Variants in TRPC5 observed in about 807,000 individuals in gnomAD.
TRPC5 encodes the protein short transient receptor potential channel 5.
TRPC5 carries 9 observed loss-of-function variants against 56.5 expected under a neutral mutation model. The ratio of observed to expected loss-of-function variants is 0.16; its 90% CI spans 0.10 to 0.28. The LOEUF is 0.28. Ranked by LOEUF, TRPC5 falls within the 10% of genes least tolerant of loss-of-function variation. The pLI is 1.00. For synonymous variants in TRPC5, 282 were observed against 278.5 expected (o/e 1.01, Z -0.13); for missense variants, 469 against 748.9 (o/e 0.63, Z 4.36).
At chrX:111,778,944 TATG>T in intron 10 of TRPC5, 38 bp downstream of exon 10, 1 of 970,124 alleles carries the variant, frequency 1.0e-6, no homozygotes, top group Non-Finnish European at 1.4e-6. Context: ...AAATGATGCT[TATG>T]ATATGTAAAA....
At chrX:111,869,150 A>ATT (rs200465770) in intron 3 of TRPC5, among the ~76,000 whole-genome samples, 3 of 98,504 alleles carry the variant, frequency 3.0e-5, no homozygotes, top group African/African-American at 3.7e-5. Context: ...GCAGTGCAGC[A>ATT]TTTTTTTTTT....
At chrX:112,019,527 G>A (rs189363904) in intron 1 of TRPC5, among the ~76,000 whole-genome samples, 3,255 of 109,058 alleles carry the variant, frequency 0.03, 60 homozygotes, top group Middle Eastern at 0.047. Context: ...GCTCCGCCTC[G>A]CGGGTTCACG....
At chrX:112,008,463 G>A (rs781614174) in intron 1 of TRPC5, among the ~76,000 whole-genome samples, 26 of 110,218 alleles carry the variant, frequency 2.4e-4, no homozygotes, top group Middle Eastern at 4.6e-3. Context: ...AGCCAGGTGC[G>A]GTGGTGGGTG....
intron 1 of TRPC5, among the ~76,000 whole-genome samples, chrX:112,013,325 A>G (rs1929039846): frequency 9.0e-6 from 1 of 111,052 alleles, no homozygotes; most frequent in African/African-American, 3.3e-5. Context: ...TAATTTTTGT[A>G]TTTTTAGTAG....
At chrX:111,813,760 G>A (rs1921780521) in intron 7 of TRPC5, among the ~76,000 whole-genome samples, 1 of 112,425 alleles carries the variant, frequency 8.9e-6, no homozygotes, top group African/African-American at 3.2e-5. Context: ...ATTTTGGGCA[G>A]GGGGACATAT....
At chrX:111,832,440 A>C (rs1922436090) in intron 7 of TRPC5, among the ~76,000 whole-genome samples, 2 of 112,360 alleles carry the variant, frequency 1.8e-5, no homozygotes, top group African/African-American at 6.5e-5. Flanking sequence ...ATTTGTCTTC[A>C]GTGGTTTCCC....
intron 1 of TRPC5, among the ~76,000 whole-genome samples, chrX:111,961,454 T>C (rs1405234310): frequency 8.9e-6 from 1 of 111,774 alleles, no homozygotes; most frequent in Non-Finnish European, 1.9e-5. Context: ...CCAATTTCTC[T>C]TGTGGGGAAG....
At chrX:112,020,391 G>A (rs1304610425) in intron 1 of TRPC5, among the ~76,000 whole-genome samples, 10 of 111,899 alleles carry the variant, frequency 8.9e-5, no homozygotes, top group Admixed American at 8.6e-4. Context: ...CTTTGAAGGC[G>A]AGTAATCATA....
At position 111,854,053 on chromosome X, in the gene TRPC5, G is replaced by A. The variant is rs1269079632; in HGVS notation, c.954C>T (p.Gly318=). 2 of 1,211,422 alleles carry A rather than the reference G, an allele frequency of 1.7e-6. No homozygotes were observed. Among genetic ancestry groups the A allele is most frequent in the Admixed American group, 2.2e-5 (1 of 45,998 alleles). Residue 318 remains glycine, a synonymous_variant, in exon 4 of 11, where the codon GGC becomes GGT. Transcript: ENST00000262839. ...QQLLATLWYD[G]FPGWRRKHWV... The stretch of plus-strand genomic sequence containing the variant: ...AGTGTTTCCGCCGCCATCCAGGGAA[G>A]CCATCATACCACAGGGTGGCAAGCA...
intron 1 of TRPC5, among the ~76,000 whole-genome samples, chrX:111,958,490 T>A (rs1927292909): frequency 8.9e-6 from 1 of 112,186 alleles, no homozygotes; most frequent in Non-Finnish European, 1.9e-5. Flanking sequence ...TAAATATGTA[T>A]TGAATTATTC....
chrX:111,879,141 G>A (rs749756574), intron 3 of TRPC5, among the ~76,000 whole-genome samples: 2 of 112,255 alleles, frequency 1.8e-5, no homozygotes, highest in East Asian at 2.8e-4. Context: ...TCTTTTCAAA[G>A]CATCTTTCAA....
At chrX:111,797,839 A>AT (rs1921155375) in intron 7 of TRPC5, among the ~76,000 whole-genome samples, 1 of 111,711 alleles carries the variant, frequency 9.0e-6, no homozygotes, top group Non-Finnish European at 1.9e-5. Context: ...TTATTGAGAT[A>AT]TATTATATAC....
Position 111,834,995 on chromosome X carries a change from A to G in TRPC5, c.1822T>C (p.Tyr608His). 1 of 1,211,393 alleles carries G rather than the reference A, an allele frequency of 8.3e-7. No homozygotes were observed. Among genetic ancestry groups the G allele is most frequent in the Non-Finnish European group, 1.1e-6 (1 of 895,050 alleles). ...EFVGATMFGT[Y>H]NVISLVVLLN... ...AGCACTACCAGGGAGATGACATTGT[A>G]TGTTCCAAACATGGTAGCTCCTACA... The change falls in exon 7 of 11, where the codon TAC becomes CAC. Residue 608 changes from tyrosine to histidine, a missense_variant. Tyr to His is a moderately conservative substitution (Grantham distance 83). This residue lies in a region of TRPC5 where 157 missense variants were observed against 360.0 expected (regional missense o/e 0.44). Transcript: ENST00000262839.
intron 1 of TRPC5, among the ~76,000 whole-genome samples, chrX:112,040,521 TG>T (rs1211032185): frequency 1.8e-5 from 2 of 111,853 alleles, no homozygotes; most frequent in African/African-American, 6.5e-5. Flanking sequence ...AGCTGGAATA[TG>T]ACCATTTCCT....
intron 7 of TRPC5, among the ~76,000 whole-genome samples, chrX:111,803,050 G>A (rs1452193614): frequency 9.1e-6 from 1 of 110,234 alleles, no homozygotes; most frequent in Non-Finnish European, 1.9e-5. Flanking sequence ...AGTGTGTGAT[G>A]TTCCACACCC....
intron 7 of TRPC5, among the ~76,000 whole-genome samples, chrX:111,802,484 T>C (rs1378403516): frequency 8.9e-6 from 1 of 111,886 alleles, no homozygotes; most frequent in African/African-American, 3.2e-5. Flanking sequence ...AAAAATTCCA[T>C]GCCATTAAAA....
intron 3 of TRPC5, among the ~76,000 whole-genome samples, chrX:111,864,431 G>A (rs184542121): frequency 1.8e-5 from 2 of 112,423 alleles, no homozygotes; most frequent in Admixed American, 9.4e-5. Context: ...ATGCCCCCAG[G>A]AAAAGAACTA....
At chrX:111,821,976 A>G (rs1218185709) in intron 7 of TRPC5, among the ~76,000 whole-genome samples, 1 of 111,659 alleles carries the variant, frequency 9.0e-6, no homozygotes, top group Non-Finnish European at 1.9e-5. Context: ...CAGAAACACC[A>G]CAAAAAGCAA....
At chrX:111,984,835 G>A (rs1423533710) in intron 1 of TRPC5, among the ~76,000 whole-genome samples, 2 of 112,439 alleles carry the variant, frequency 1.8e-5, no homozygotes, top group African/African-American at 6.5e-5. Flanking sequence ...GCTTCTGGTG[G>A]GCCTTATGTA....
Sources: gnomAD v4.1 joint callset for allele counts (sites outside exome capture counted in the v4.1 genomes callset) on GRCh38, gnomAD v4.1.1 for gene constraint, gnomAD v4.1.1 regional missense constraint, MANE v1.5 for transcripts, NCBI Gene and HGNC (gene_info 2026-07-23, HGNC 2026-07-21) for gene names.